The following HPSE2 variants were observed in gnomAD, a reference collection of about 807,000 sequenced individuals.
HPSE2 encodes the protein heparanase 2 (inactive).
In HPSE2, 38 loss-of-function variants were observed where a neutral mutation model predicts 60.5. The ratio of observed to expected loss-of-function variants is 0.63; its 90% CI spans 0.48 to 0.82. HPSE2 has a LOEUF of 0.82. HPSE2 is among the 40% of genes least tolerant of loss of function. The pLI, the probability that HPSE2 is intolerant of heterozygous loss-of-function variation, is 0.00. For synonymous variants in HPSE2, 295 were observed against 293.2 expected (o/e 1.01, Z -0.06); for missense variants, 713 against 740.4 (o/e 0.96, Z 0.43).
At chr10:99,047,659 G>A (rs1957887586) in intron 3 of HPSE2, 2 of 759,042 alleles carry the variant, frequency 2.6e-6, no homozygotes, top group Non-Finnish European at 4.7e-6. Flanking sequence ...TAGAAGAGAA[G>A]AAGAAGACGG....
chr10:98,754,431 A>G (rs1949831781), intron 3 of HPSE2, among the ~76,000 whole-genome samples: 1 of 152,040 alleles, frequency 6.6e-6, no homozygotes, highest in Non-Finnish European at 1.5e-5. Flanking sequence ...CTTGAAAAAC[A>G]TATTTGAGGA....
chr10:98,983,589 G>A (rs750571688), intron 3 of HPSE2, among the ~76,000 whole-genome samples: 10 of 152,206 alleles, frequency 6.6e-5, no homozygotes, highest in Non-Finnish European at 1.3e-4. Flanking sequence ...CAATTTACCT[G>A]GCTTATTCAC....
chr10:98,799,747 A>T (rs1360831389), intron 3 of HPSE2, among the ~76,000 whole-genome samples: 1 of 152,174 alleles, frequency 6.6e-6, no homozygotes, highest in Non-Finnish European at 1.5e-5. Context: ...TAATGAAAAC[A>T]CAACATACCA....
intron 3 of HPSE2, among the ~76,000 whole-genome samples, chr10:98,790,027 G>C (rs545072976): frequency 6.6e-6 from 1 of 152,224 alleles, no homozygotes; most frequent in Admixed American, 6.5e-5. Context: ...CAGTGGTCAG[G>C]AGAGAAGTAA....
intron 1 of HPSE2, among the ~76,000 whole-genome samples, chr10:99,234,445 C>T (rs978251669): frequency 6.6e-6 from 1 of 152,220 alleles, no homozygotes; most frequent in Non-Finnish European, 1.5e-5. Context: ...CAAAGTGGGA[C>T]TGAGAGCGCT....
chr10:98,911,576 A>T (rs1348653167), intron 3 of HPSE2, among the ~76,000 whole-genome samples: 1 of 152,132 alleles, frequency 6.6e-6, no homozygotes, highest in African/African-American at 2.4e-5. Flanking sequence ...TGCAGCTGAA[A>T]CATAAGGAGC....
At chr10:99,226,678 C>T (rs974536708) in intron 2 of HPSE2, among the ~76,000 whole-genome samples, 2 of 151,808 alleles carry the variant, frequency 1.3e-5, no homozygotes, top group African/African-American at 2.4e-5. Context: ...TCTTTAAATC[C>T]AAGTCACACT....
chr10:99,007,373 C>A (rs1422779977), intron 3 of HPSE2, among the ~76,000 whole-genome samples: 1 of 152,146 alleles, frequency 6.6e-6, no homozygotes, highest in African/African-American at 2.4e-5. Context: ...GTATCTATCT[C>A]CACACTTTGC....
At chr10:98,548,398 C>A (rs1943758392) in intron 9 of HPSE2, among the ~76,000 whole-genome samples, 1 of 152,108 alleles carries the variant, frequency 6.6e-6, no homozygotes, top group African/African-American at 2.4e-5. Context: ...GGGCATATGG[C>A]TTGAGGTCAG....
intron 2 of HPSE2, among the ~76,000 whole-genome samples, chr10:99,167,323 T>C (rs1233900887): frequency 6.6e-6 from 1 of 152,182 alleles, no homozygotes; most frequent in Non-Finnish European, 1.5e-5. Context: ...CTTTCAATAT[T>C]GTATCTAAAA....
intron 2 of HPSE2, among the ~76,000 whole-genome samples, chr10:99,185,499 G>A (rs920617403): frequency 1.3e-5 from 2 of 152,150 alleles, no homozygotes; most frequent in Non-Finnish European, 1.5e-5. Flanking sequence ...GGGCTGCCAG[G>A]TGCAGTGGCT....
chr10:99,306,162 A>C, the HPSE2 span, among the ~76,000 whole-genome samples: 1 of 152,168 alleles, frequency 6.6e-6, no homozygotes, highest in South Asian at 2.1e-4. Flanking sequence ...AGAAGAGCAG[A>C]GAGGAAATGG....
At chr10:99,203,610 G>A (rs565274716) in intron 2 of HPSE2, among the ~76,000 whole-genome samples, 1 of 151,960 alleles carries the variant, frequency 6.6e-6, no homozygotes, top group Admixed American at 6.5e-5. Context: ...GCACTAGACT[G>A]GCCCCCACAG....
chr10:98,728,486 T>C (rs1949147453), intron 4 of HPSE2, among the ~76,000 whole-genome samples: 3 of 152,032 alleles, frequency 2.0e-5, no homozygotes, highest in African/African-American at 7.2e-5. Context: ...TGTGTGGTGC[T>C]GGGTACCTGT....
At chr10:98,991,790 A>C (rs1050446781) in intron 3 of HPSE2, among the ~76,000 whole-genome samples, 1 of 152,194 alleles carries the variant, frequency 6.6e-6, no homozygotes, top group Admixed American at 6.5e-5. Flanking sequence ...GGTGGGCATC[A>C]CCAACACCTA....
chr10:99,234,599 G>A (rs994072908), intron 1 of HPSE2, among the ~76,000 whole-genome samples: 17 of 152,272 alleles, frequency 1.1e-4, no homozygotes, highest in African/African-American at 4.1e-4. Flanking sequence ...GATCGCAGTT[G>A]CCTAACTGCC....
rs181194538 is a variant in HPSE2, at chr10:98,499,558, A to T, written c.1321-9362T>A. On this transcript the variant is annotated intron_variant, in intron 9 of 11. Coordinates refer to ENST00000370552, the MANE Select transcript of HPSE2 (RefSeq NM_021828.5). ...CATCAAAACAGAACCTCTTTAAAGC[A>T]TAAATCACACAGGACCTATAAAACA... Among the ~76,000 whole-genome samples, 845 of 152,336 alleles carry T rather than the reference A, an allele frequency of 5.5e-3. 8 individuals carry two copies. The highest frequency in any genetic ancestry group is 0.02 in the African/African-American group (813 of 41,566).
the HPSE2 span, among the ~76,000 whole-genome samples, chr10:99,291,564 C>A: frequency 2.4e-5 from 3 of 122,634 alleles, no homozygotes; most frequent in South Asian, 2.8e-4. Context: ...AGCCTGGTGA[C>A]AAAGCAAGAC....
chr10:98,763,181 C>T (rs1565145703), intron 3 of HPSE2, among the ~76,000 whole-genome samples: 1 of 151,324 alleles, frequency 6.6e-6, no homozygotes, highest in East Asian at 1.9e-4. Flanking sequence ...TGAACATAGT[C>T]TCAGTGAACT....
Sources: gnomAD v4.1 joint callset for allele counts (sites outside exome capture counted in the v4.1 genomes callset) on GRCh38, gnomAD v4.1.1 for gene constraint, MANE v1.5 for transcripts, NCBI Gene and HGNC (gene_info 2026-07-23, HGNC 2026-07-21) for gene names.